SCAI: variants seen among roughly 807,000 people sequenced by gnomAD.
The protein encoded by SCAI is protein SCAI.
A neutral mutation model predicts 92.2 loss-of-function variants in SCAI; 24 were observed. That is an observed-to-expected ratio of 0.26 (90% confidence interval 0.19 to 0.37). SCAI has a LOEUF of 0.37. Among genes scored for constraint, SCAI ranks in the 10% least tolerant of loss-of-function variants. SCAI has a pLI of 1.00. For missense variants in SCAI, 450 were observed against 736.2 expected (o/e 0.61, Z 4.50); for synonymous variants, 261 against 258.6 (o/e 1.01, Z -0.09).
chr9:125,065,912 C>T, intron 2 of SCAI: 1 of 693,516 alleles, frequency 1.4e-6, no homozygotes, highest in Non-Finnish European at 2.6e-6. Flanking sequence ...GAAACCAACT[C>T]AGCAAACTAG....
rs1391599689 is a variant in SCAI at position 125,078,554 on chromosome 9, C to T, written c.99-22547G>A. Among the ~76,000 whole-genome samples, 5 of 152,026 alleles carry T rather than the reference C, an allele frequency of 3.3e-5. No homozygotes were observed. In the East Asian group the frequency reaches 9.6e-4, roughly 29 times the overall value. On this transcript the variant is annotated intron_variant, in intron 2 of 17. Coordinates refer to ENST00000336505, the MANE Select transcript of SCAI (RefSeq NM_001144877.3). ...AAAAAAAGCCAACATTACCCACAAA[C>T]ACTTAAAGACAGTAGTCTGCTGGTT...
rs1831102212 is a variant in SCAI, at chr9:124,944,113, A to C, written c.*8694T>G. 6.6e-6 allele frequency: 1 copy of C among 152,196 alleles called. No homozygotes were observed. Among genetic ancestry groups the C allele is most frequent in the African/African-American group, 2.4e-5 (1 of 41,454 alleles). The allele number at this position is 152,196 out of a possible 1,614,324, so 9.4% of individuals were successfully genotyped here. On this transcript the variant is annotated 3_prime_UTR_variant, in exon 18 of 18. Coordinates refer to ENST00000336505, the MANE Select transcript of SCAI (RefSeq NM_001144877.3). ...TGATTGTTGAACAGCAAGGTTTATT[A>C]AAAATAAGCAAAAAAGTTGGAGAAC...
At chr9:125,067,460 C>T (rs537626698) in intron 2 of SCAI, among the ~76,000 whole-genome samples, 6 of 152,124 alleles carry the variant, frequency 3.9e-5, no homozygotes, top group East Asian at 1.9e-4. Context: ...AAGGCAGCCA[C>T]GTGAAGACGG....
intron 4 of SCAI, among the ~76,000 whole-genome samples, chr9:125,029,037 AT>A (rs903245668): frequency 2.0e-5 from 3 of 152,202 alleles, no homozygotes; most frequent in African/African-American, 7.2e-5. Flanking sequence ...ACCTCAAGTT[AT>A]CCACCCACCT....
At chr9:125,099,908 A>G (rs978640597) in intron 2 of SCAI, among the ~76,000 whole-genome samples, 2 of 152,234 alleles carry the variant, frequency 1.3e-5, no homozygotes, top group Non-Finnish European at 2.9e-5. Flanking sequence ...TTGTATGGAT[A>G]TAACACATTT....
intron 2 of SCAI, among the ~76,000 whole-genome samples, chr9:125,088,059 T>G (rs948210151): frequency 6.6e-6 from 1 of 152,214 alleles, no homozygotes; most frequent in Non-Finnish European, 1.5e-5. Flanking sequence ...TTTAAAAAGT[T>G]TTTGTTGATA....
intron 2 of SCAI, among the ~76,000 whole-genome samples, chr9:125,093,437 T>C (rs1487851237): frequency 2.0e-5 from 3 of 152,200 alleles, no homozygotes; most frequent in African/African-American, 7.2e-5. Flanking sequence ...GTTCACCTCA[T>C]GATCCAACGT....
chr9:125,115,370 CAAAAAAAA>C (rs58814200), intron 2 of SCAI, among the ~76,000 whole-genome samples: 3 of 52,432 alleles, frequency 5.7e-5, no homozygotes, highest in East Asian at 5.8e-4. Flanking sequence ...AGACTCTCCT[CAAAAAAAA>C]AAAAAAAAAA....
rs530901028 is a variant in SCAI at position 124,987,673 on chromosome 9, C to T, written c.1326+7261G>A. 2.0e-5 allele frequency among the ~76,000 whole-genome samples: 3 copies of T among 152,150 alleles called. No homozygotes were observed. The South Asian group carries it at 6.2e-4, about 32-fold the overall frequency. On this transcript the variant is annotated intron_variant, in intron 14 of 17. Coordinates refer to ENST00000336505, the MANE Select transcript of SCAI (RefSeq NM_001144877.3). ...ATCATTCAACATGCACTGATTAAGA[C>T]TCTTTTGGCCGGGCATGGTGGCTCA...
At chr9:125,043,392 C>T (rs756603240) in intron 3 of SCAI, among the ~76,000 whole-genome samples, 23 of 152,202 alleles carry the variant, frequency 1.5e-4, no homozygotes, top group Non-Finnish European at 2.5e-4. Flanking sequence ...GACTTCAAAG[C>T]CCAGTTGAGC....
intron 3 of SCAI, among the ~76,000 whole-genome samples, chr9:125,035,061 A>G (rs1326492704): frequency 6.6e-6 from 1 of 152,168 alleles, no homozygotes; most frequent in Admixed American, 6.5e-5. Context: ...TAAGCATGAG[A>G]AAAGAAGAGA....
rs114464139 is a variant in SCAI, at chr9:124,967,177, T to C, written c.1674+4193A>G. 6.8e-3 allele frequency among the ~76,000 whole-genome samples: 1,043 copies of C among 152,284 alleles called. 8 individuals carry two copies. The highest frequency in any genetic ancestry group is 0.024 in the African/African-American group (985 of 41,546). On this transcript the variant is annotated intron_variant, in intron 17 of 17. Coordinates refer to ENST00000336505, the MANE Select transcript of SCAI (RefSeq NM_001144877.3). ...ATAAGTGTACAATAAAGGACGGCTG[T>C]AATTTTAACATGAATTCAACTGAAA...
At chr9:125,088,874 C>T (rs986719104) in intron 2 of SCAI, among the ~76,000 whole-genome samples, 1 of 152,146 alleles carries the variant, frequency 6.6e-6, no homozygotes, top group Non-Finnish European at 1.5e-5. Flanking sequence ...CCAAATAAGT[C>T]TTTGTTGTGG....
intron 14 of SCAI, among the ~76,000 whole-genome samples, chr9:124,994,705 G>A (rs1832203126): frequency 6.6e-6 from 1 of 151,894 alleles, no homozygotes. Context: ...TTTCCTGCAG[G>A]AGGATTTATT....
At chr9:125,018,596 C>T (rs1010356001) in intron 9 of SCAI, among the ~76,000 whole-genome samples, 4 of 152,036 alleles carry the variant, frequency 2.6e-5, no homozygotes, top group Admixed American at 6.6e-5. Context: ...TACTGTATCA[C>T]GAGTATCTTT....
chr9:124,994,058 G>A (rs2131620015), intron 14 of SCAI, among the ~76,000 whole-genome samples: 1 of 148,630 alleles, frequency 6.7e-6, no homozygotes, highest in East Asian at 1.9e-4. Context: ...TTTTGAGACG[G>A]AGTTTTGCTC....
intron 2 of SCAI, among the ~76,000 whole-genome samples, chr9:125,115,970 G>A (rs528548871): frequency 3.9e-5 from 6 of 152,256 alleles, no homozygotes; most frequent in South Asian, 2.1e-4. Context: ...CAAGGTGGGC[G>A]GATAACCTGA....
Position 124,976,137 on chromosome 9 carries a change from G to C in SCAI, c.1376C>G (p.Thr459Arg), listed in dbSNP as rs763948902. The C allele has an allele frequency of 6.2e-7, 1 of 1,612,154 alleles. No homozygotes were observed. The highest frequency in any genetic ancestry group is 1.1e-5 in the South Asian group (1 of 91,036). ...GQPLVCLLSP[T>R]AYPKALQDQS... ...ACCTTGTAAAGCTTTTGGATATGCTGTAGGAGAAAGCAAGCAGACTAGTGG... is the reference window on the plus strand; with the variant it reads ...ACCTTGTAAAGCTTTTGGATATGCTCTAGGAGAAAGCAAGCAGACTAGTGG... Residue 459 changes from threonine (T) to arginine (R), a missense_variant, in exon 15 of 18, where the codon ACA becomes AGA. Physicochemically the swap from Thr to Arg is moderately conservative, Grantham distance 71 (BLOSUM62 -1). Around this residue, in one of 3 missense-constraint regions of SCAI, gnomAD observed 360 missense variants for 601.8 expected, o/e 0.60. Coordinates refer to ENST00000336505, the MANE Select transcript of SCAI (RefSeq NM_001144877.3).
intron 9 of SCAI, among the ~76,000 whole-genome samples, chr9:125,005,638 G>A (rs1270471504): frequency 2.0e-5 from 3 of 152,148 alleles, no homozygotes; most frequent in Admixed American, 6.5e-5. Context: ...GCCAAGAGAC[G>A]GGGATTAAAG....
Sources: gnomAD v4.1 joint callset for allele counts (sites outside exome capture counted in the v4.1 genomes callset) on GRCh38, gnomAD v4.1.1 for gene constraint, gnomAD v4.1.1 regional missense constraint, MANE v1.5 for transcripts, NCBI Gene and HGNC (gene_info 2026-07-23, HGNC 2026-07-21) for gene names.